The following ARHGEF9 variants were observed in gnomAD, a reference collection of about 807,000 sequenced individuals.
ARHGEF9 encodes Cdc42 guanine nucleotide exchange factor 9.
A neutral mutation model predicts 41.3 loss-of-function variants in ARHGEF9; 2 were observed. The observed-to-expected ratio is 0.05, with a 90% CI of 0.02 to 0.15. ARHGEF9 has a LOEUF of 0.15. ARHGEF9 is among the 10% of genes least tolerant of loss of function. The pLI is 1.00. For missense variants in ARHGEF9, 225 were observed against 424.7 expected (o/e 0.53, Z 4.13); for synonymous variants, 160 against 154.4 (o/e 1.04, Z -0.27).
At position 63,697,172 on chromosome X, in the gene ARHGEF9, T is replaced by C. The variant is rs1556389172; in HGVS notation, c.535A>G (p.Asn179Asp). Residue 179 changes from asparagine (N) to aspartate (D), a missense_variant, in exon 4 of 10, where the codon AAT (asparagine) becomes GAT (aspartate). By Grantham distance (23) the Asn-to-Asp change is conservative. Coordinates refer to ENST00000671741, the MANE Select transcript of ARHGEF9 (RefSeq NM_001353921.2). ...FVRDLEKQYNNDDPHLSEIGP... is the reference protein window; with the variant it reads ...FVRDLEKQYNDDDPHLSEIGP... ...ATCTCGCTGAGGTGGGGGTCATCAT[T>C]GTTATACTGTTTCTCCAGGTCTCTC... The C allele has an allele frequency of 8.3e-7, 1 of 1,210,696 alleles. No individual in the cohort carries two copies. Among genetic ancestry groups the C allele is most frequent in the Non-Finnish European group, 1.1e-6 (1 of 895,069 alleles).
intron 1 of ARHGEF9, among the ~76,000 whole-genome samples, chrX:63,726,883 T>C (rs1279687021): frequency 8.9e-6 from 1 of 112,146 alleles, no homozygotes; most frequent in African/African-American, 3.2e-5. Flanking sequence ...CCTTTAATCA[T>C]AGGTGCCCCT....
intron 4 of ARHGEF9, among the ~76,000 whole-genome samples, chrX:63,682,471 C>A (rs782058793): frequency 9.2e-6 from 1 of 108,797 alleles, no homozygotes; most frequent in African/African-American, 3.3e-5. Flanking sequence ...GCCGACATTG[C>A]GCCACTGCAC....
chrX:63,667,204 A>G (rs782320965), intron 6 of ARHGEF9, among the ~76,000 whole-genome samples: 1 of 111,950 alleles, frequency 8.9e-6, no homozygotes, highest in South Asian at 3.8e-4. Context: ...GAGACTCGCG[A>G]TAGCCCTGGG....
intron 6 of ARHGEF9, among the ~76,000 whole-genome samples, chrX:63,669,497 G>A (rs1278626660): frequency 8.9e-6 from 1 of 111,814 alleles, no homozygotes; most frequent in East Asian, 2.8e-4. Flanking sequence ...CTAACAGTCA[G>A]TCTTATGAAG....
rs782407313 is a variant in ARHGEF9, at chrX:63,682,396, T to C, written c.583-3824A>G. 7.9e-4 allele frequency among the ~76,000 whole-genome samples: 86 copies of C among 109,547 alleles called. 1 individual carries two copies. Among genetic ancestry groups the C allele is most frequent in the African/African-American group, 2.8e-3 (83 of 30,165 alleles). On this transcript the variant is annotated intron_variant, in intron 4 of 9. Coordinates refer to ENST00000671741, the MANE Select transcript of ARHGEF9 (RefSeq NM_001353921.2). The stretch of plus-strand genomic sequence containing the variant: ...CAGGCGTGGTGGCGGGCGCCTGTAG[T>C]CCCAGCTACTTGGGAGGCCGAGGCA...
chrX:63,675,859 G>A (rs1346112964), intron 5 of ARHGEF9, among the ~76,000 whole-genome samples: 2 of 111,555 alleles, frequency 1.8e-5, no homozygotes, highest in African/African-American at 6.5e-5. Flanking sequence ...ATTCAGTGGG[G>A]GCAAAAATAA....
intron 2 of ARHGEF9, among the ~76,000 whole-genome samples, chrX:63,721,912 C>T (rs782422436): frequency 8.1e-5 from 9 of 111,687 alleles, no homozygotes; most frequent in Non-Finnish European, 1.7e-4. Context: ...CACATAAGCA[C>T]ATACAAGTAT....
intron 2 of ARHGEF9, chrX:63,713,176 C>T (rs2053055438): frequency 1.8e-5 from 2 of 111,431 alleles, no homozygotes; most frequent in African/African-American, 6.5e-5. Flanking sequence ...AAGGCCAAAT[C>T]TAATCAACCA....
intron 6 of ARHGEF9, chrX:63,671,426 GGTAGTCTCACT>G (rs2147294067): frequency 8.9e-6 from 1 of 112,405 alleles, no homozygotes; most frequent in Non-Finnish European, 1.9e-5. Context: ...ACCTCCCCAA[GGTAGTCTCACT>G]GTCTTATTTA....
chrX:63,750,706 C>T lies in ARHGEF9; in HGVS notation c.31-25995G>A, dbSNP rs148173932. On this transcript the variant is annotated intron_variant, in intron 1 of 9. Coordinates refer to ENST00000671741, the MANE Select transcript of ARHGEF9 (RefSeq NM_001353921.2). ...GTGAAAAAAATTGTTTTTTCAGGAC[C>T]GGCAGAGCTTCTGGCACTAAAGCTA... Among the ~76,000 whole-genome samples the T allele has an allele frequency of 4.9e-3, 548 of 111,002 alleles. 3 individuals are homozygous for T. Among genetic ancestry groups the T allele is most frequent in the African/African-American group, 0.016 (499 of 30,515 alleles).
intron 4 of ARHGEF9, among the ~76,000 whole-genome samples, chrX:63,683,748 G>A (rs1466081011): frequency 1.8e-5 from 2 of 111,346 alleles, no homozygotes; most frequent in Admixed American, 9.5e-5. Flanking sequence ...AATGGGGAAC[G>A]TATAGTCTCT....
intron 1 of ARHGEF9, 54 bp from the exon 2 acceptor site, chrX:63,724,765 C>T (rs2053853902): frequency 9.1e-7 from 1 of 1,104,447 alleles, no homozygotes; most frequent in Non-Finnish European, 1.2e-6. Context: ...TTGCTTGCCC[C>T]TTCCCCCACC....
At chrX:63,679,726 C>T (rs781841167) in intron 4 of ARHGEF9, among the ~76,000 whole-genome samples, 14 of 111,550 alleles carry the variant, frequency 1.3e-4, no homozygotes, top group Admixed American at 2.8e-4. Context: ...CCATGAAAAA[C>T]GTTAAGCTAA....
At chrX:63,667,356 C>T (rs1324733504) in intron 6 of ARHGEF9, among the ~76,000 whole-genome samples, 7 of 111,278 alleles carry the variant, frequency 6.3e-5, no homozygotes, top group Non-Finnish European at 1.1e-4. Flanking sequence ...ACTCCTTGTA[C>T]TATATTATAC....
At chrX:63,673,468 T>G (rs1235259308) in intron 6 of ARHGEF9, among the ~76,000 whole-genome samples, 2 of 111,257 alleles carry the variant, frequency 1.8e-5, no homozygotes, top group Non-Finnish European at 3.8e-5. Context: ...TTCAGAGAAG[T>G]CATGGCTGTC....
chrX:63,699,121 G>A (rs139258353), intron 3 of ARHGEF9, among the ~76,000 whole-genome samples: 2 of 111,700 alleles, frequency 1.8e-5, no homozygotes, highest in Non-Finnish European at 3.8e-5. Flanking sequence ...ATCTCTGGAC[G>A]TGTCTTAGCT....
chrX:63,762,014 A>C (rs2056041957), intron 1 of ARHGEF9, among the ~76,000 whole-genome samples: 1 of 111,624 alleles, frequency 9.0e-6, no homozygotes, highest in South Asian at 3.8e-4. Flanking sequence ...TTTCTGGGGT[A>C]GCTAAAGTCA....
chrX:63,732,667 T>C (rs1353308861), intron 1 of ARHGEF9, among the ~76,000 whole-genome samples: 1 of 111,159 alleles, frequency 9.0e-6, no homozygotes, highest in Non-Finnish European at 1.9e-5. Flanking sequence ...AACCTTTACC[T>C]CTAACAAGGC....
At chrX:63,642,004 TG>T (rs1360028274) in intron 9 of ARHGEF9, 6 of 113,100 alleles carry the variant, frequency 5.3e-5, no homozygotes, top group African/African-American at 1.9e-4. Context: ...AGACTCGGAC[TG>T]ACTTCCTTGC....
Sources: allele counts gnomAD v4.1 joint callset (sites outside exome capture counted in the v4.1 genomes callset), GRCh38; gene constraint gnomAD v4.1.1; transcripts MANE v1.5; gene names NCBI Gene and HGNC (gene_info 2026-07-23, HGNC 2026-07-21).